Variants in SRRM3 observed in about 807,000 individuals in gnomAD.
The protein encoded by SRRM3 is serine/arginine repetitive matrix protein 3.
A neutral mutation model predicts 66.2 loss-of-function variants in SRRM3; 27 were observed. That is an observed-to-expected ratio of 0.41 (90% CI 0.30 to 0.56). The LOEUF is 0.56. Among genes scored for constraint, SRRM3 ranks in the 20% least tolerant of loss-of-function variants. The pLI is 0.32. For synonymous variants in SRRM3, 391 were observed against 414.9 expected (o/e 0.94, Z 0.70); for missense variants, 918 against 991.9 (o/e 0.93, Z 1.00).
intron 14 of SRRM3, among the ~76,000 whole-genome samples, chr7:76,284,018 C>T (rs1802597949): frequency 6.6e-6 from 1 of 152,098 alleles, no homozygotes; most frequent in Admixed American, 6.5e-5. Context: ...ACCAGGGTTT[C>T]GTGAGCATCT....
At chr7:76,261,977 C>T (rs918069643) in intron 8 of SRRM3, among the ~76,000 whole-genome samples, 1 of 151,062 alleles carries the variant, frequency 6.6e-6, no homozygotes, top group Non-Finnish European at 1.5e-5. Context: ...GAGGCAGGGT[C>T]GGGGAGCTGT....
At chr7:76,220,252 G>A (rs1480239374) in intron 1 of SRRM3, among the ~76,000 whole-genome samples, 2 of 152,132 alleles carry the variant, frequency 1.3e-5, no homozygotes, top group Non-Finnish European at 2.9e-5. Flanking sequence ...GCTAGATTGC[G>A]AGTAGTAGCC....
chr7:76,252,845 T>C lies in SRRM3; in HGVS notation c.335+4556T>C, dbSNP rs149191712. Among the ~76,000 whole-genome samples the C allele has an allele frequency of 4.1e-3, 630 of 152,276 alleles. 2 individuals are homozygous for C. Among genetic ancestry groups the C allele is most frequent in the African/African-American group, 0.014 (589 of 41,572 alleles). On this transcript the variant is annotated intron_variant, in intron 3 of 14. Transcript: ENST00000611745. ...ATCATTAAGGGGCTATGAATGGGAT[T>C]GTGAACTATGAAGCACTCTTTAAAT...
rs532972230 is a variant in SRRM3, at chr7:76,251,693, G to C, written c.335+3404G>C. Among the ~76,000 whole-genome samples the C allele has an allele frequency of 3.4e-4, 51 of 152,202 alleles. 1 individual carries two copies. The highest frequency in any genetic ancestry group is 4.1e-4 in the Non-Finnish European group (28 of 68,006). On this transcript the variant is annotated intron_variant, in intron 3 of 14. Coordinates refer to ENST00000611745, the MANE Select transcript of SRRM3 (RefSeq NM_001110199.3). ...CCGGCCCCCAGCAGCACTTTGGAAG[G>C]CTGAGGTGGGAGGATCACTTGAGCC...
At chr7:76,242,283 G>A (rs568304904) in intron 2 of SRRM3, among the ~76,000 whole-genome samples, 2 of 152,246 alleles carry the variant, frequency 1.3e-5, no homozygotes, top group East Asian at 1.9e-4. Context: ...TCGGGAGTTC[G>A]AGACCAGCCT....
intron 3 of SRRM3, among the ~76,000 whole-genome samples, chr7:76,250,391 C>T (rs1554606751): frequency 6.6e-6 from 1 of 152,078 alleles, no homozygotes; most frequent in Admixed American, 6.6e-5. Flanking sequence ...ACCATGACGC[C>T]CCGCTAATTT....
intron 1 of SRRM3, among the ~76,000 whole-genome samples, chr7:76,211,077 G>T (rs1459298447): frequency 6.6e-6 from 1 of 152,222 alleles, no homozygotes; most frequent in Non-Finnish European, 1.5e-5. Flanking sequence ...CTCCCAAAGT[G>T]CTGGGATTAC....
intron 1 of SRRM3, among the ~76,000 whole-genome samples, chr7:76,206,342 G>A (rs1800301682): frequency 6.6e-6 from 1 of 152,198 alleles, no homozygotes; most frequent in Admixed American, 6.5e-5. Flanking sequence ...GAGTGAGGGA[G>A]AGTGGGTTCA....
chr7:76,208,071 G>A (rs1393494731), intron 1 of SRRM3, among the ~76,000 whole-genome samples: 1 of 152,160 alleles, frequency 6.6e-6, no homozygotes, highest in Non-Finnish European at 1.5e-5. Flanking sequence ...CCTGGGATAG[G>A]TCAGACAGAA....
At chr7:76,262,516 GA>G (rs782055282) in intron 8 of SRRM3, among the ~76,000 whole-genome samples, 1,729 of 92,720 alleles carry the variant, frequency 0.019, 8 homozygotes, top group Non-Finnish European at 0.024. Context: ...CTCTGTCTCA[GA>G]AAAAAAAAAA....
chr7:76,218,992 T>C (rs1349934623), intron 1 of SRRM3, among the ~76,000 whole-genome samples: 1 of 152,166 alleles, frequency 6.6e-6, no homozygotes, highest in Non-Finnish European at 1.5e-5. Flanking sequence ...GTAGCTGGGA[T>C]TACAGGCACC....
intron 2 of SRRM3, among the ~76,000 whole-genome samples, chr7:76,240,833 A>T (rs1801276582): frequency 6.6e-6 from 1 of 151,912 alleles, no homozygotes; most frequent in Non-Finnish European, 1.5e-5. Flanking sequence ...GGACCCTGGG[A>T]CAGACATCAC....
Position 76,267,397 on chromosome 7 carries a change from C to T in SRRM3, c.970C>T (p.His324Tyr). The T allele has an allele frequency of 7.1e-7, 1 of 1,398,936 alleles. No individual in the cohort carries two copies. Among genetic ancestry groups the T allele is most frequent in the African/African-American group, 1.5e-5 (1 of 65,544 alleles). 86.7% of individuals were successfully genotyped at this position (1,398,936 alleles called of 1,614,324 possible). ...CGGCAGCGGGCAGCGGAGCGGAGCGCACGGGGGCCGCCCCGGCTCGGCGCA... is the reference window on the plus strand; with the variant it reads ...CGGCAGCGGGCAGCGGAGCGGAGCGTACGGGGGCCGCCCCGGCTCGGCGCA... ...NGGSGQRSGA[H>Y]GGRPGSAHSP... The change falls in exon 11 of 15, where the codon CAC becomes TAC. Residue 324 changes from histidine (H) to tyrosine (Y), a missense_variant. By Grantham distance (83) the His-to-Tyr change is moderately conservative (BLOSUM62 2). Coordinates refer to ENST00000611745, the MANE Select transcript of SRRM3 (RefSeq NM_001110199.3).
chr7:76,235,718 A>G (rs1554604793), intron 2 of SRRM3, among the ~76,000 whole-genome samples: 1 of 151,688 alleles, frequency 6.6e-6, no homozygotes, highest in Non-Finnish European at 1.5e-5. Flanking sequence ...ATACAAAAAA[A>G]AATTTAGCTG....
At chr7:76,266,838 A>C (rs1036025694) in intron 10 of SRRM3, among the ~76,000 whole-genome samples, 30 of 150,872 alleles carry the variant, frequency 2.0e-4, no homozygotes, top group Middle Eastern at 3.2e-3. Flanking sequence ...ATGCCCGACT[A>C]ATTTTTGTAT....
At chr7:76,226,854 G>T (rs1337149629) in intron 1 of SRRM3, among the ~76,000 whole-genome samples, 2 of 152,048 alleles carry the variant, frequency 1.3e-5, no homozygotes, top group Non-Finnish European at 2.9e-5. Flanking sequence ...GCCTCCCAAA[G>T]TGCTGAGATT....
chr7:76,260,815 TG>T, intron 5 of SRRM3, 58 bp from the exon 6 acceptor site: 1 of 1,539,512 alleles, frequency 6.5e-7, no homozygotes, highest in Non-Finnish European at 8.8e-7. Context: ...GGCAAGTGTC[TG>T]GGGCCCCAAC....
chr7:76,221,575 A>C (rs1800722344), intron 1 of SRRM3, among the ~76,000 whole-genome samples: 1 of 148,244 alleles, frequency 6.7e-6, no homozygotes, highest in African/African-American at 2.5e-5. Context: ...TATTAGCCAG[A>C]ATGGTCTCGA....
chr7:76,259,142 A>G (rs1382739446), intron 3 of SRRM3, among the ~76,000 whole-genome samples: 1 of 147,528 alleles, frequency 6.8e-6, no homozygotes, highest in Admixed American at 6.9e-5. Flanking sequence ...AGGGGTGGGG[A>G]TGGGGTTCCC....
Sources: allele counts gnomAD v4.1 joint callset (sites outside exome capture counted in the v4.1 genomes callset), GRCh38; gene constraint gnomAD v4.1.1; transcripts MANE v1.5; gene names NCBI Gene and HGNC (gene_info 2026-07-23, HGNC 2026-07-21).